GIT2: variants seen among roughly 807,000 people sequenced by gnomAD.
GIT2 encodes the protein ARF GTPase-activating protein GIT2.
In GIT2, 32 loss-of-function variants were observed where a neutral mutation model predicts 100.3. That is an observed-to-expected ratio of 0.32 (90% confidence interval 0.24 to 0.43). The LOEUF (loss-of-function observed/expected upper bound fraction) is 0.43. Among genes scored for constraint, GIT2 ranks in the 20% least tolerant of loss-of-function variants. The pLI is 1.00. For missense variants in GIT2, 737 were observed against 975.1 expected (o/e 0.76, Z 3.25); for synonymous variants, 353 against 364.1 (o/e 0.97, Z 0.35).
At chr12:109,952,112 G>A (rs1221555836) in intron 13 of GIT2, among the ~76,000 whole-genome samples, 1 of 152,118 alleles carries the variant, frequency 6.6e-6, no homozygotes, top group Non-Finnish European at 1.5e-5. Context: ...TGCTAATGAC[G>A]CCATCTTTCT....
At chr12:109,981,143 T>C in intron 6 of GIT2, 97 bp from the exon 7 acceptor site, 1 of 800,678 alleles carries the variant, frequency 1.2e-6, no homozygotes, top group Non-Finnish European at 2.2e-6. Context: ...GAGCAGTTTA[T>C]CACACAAGAC....
At chr12:109,949,811 T>C (rs1219786947) in intron 14 of GIT2, among the ~76,000 whole-genome samples, 1 of 152,202 alleles carries the variant, frequency 6.6e-6, no homozygotes, top group Non-Finnish European at 1.5e-5. Context: ...AGTGGCAAAA[T>C]CAGCATGTTT....
At chr12:109,952,523 C>T (rs1248363292) in intron 13 of GIT2, 2 of 518,978 alleles carry the variant, frequency 3.9e-6, no homozygotes, top group Admixed American at 1.9e-5. Flanking sequence ...CCTCCTGCTG[C>T]AGCTTCGAGT....
At chr12:109,951,461 C>G (rs1298134285) in intron 13 of GIT2, 145 bp from the exon 14 acceptor site, 1 of 647,186 alleles carries the variant, frequency 1.5e-6, no homozygotes, top group Non-Finnish European at 2.7e-6. Flanking sequence ...TAATGCAAAA[C>G]TAAAACATAA....
intron 1 of GIT2, among the ~76,000 whole-genome samples, chr12:109,994,985 T>G (rs998324365): frequency 6.6e-6 from 1 of 152,186 alleles, no homozygotes; most frequent in African/African-American, 2.4e-5. Flanking sequence ...CACATGAGGT[T>G]TGAGTTATCA....
chr12:109,957,649 G>A (rs1879862702), intron 12 of GIT2, among the ~76,000 whole-genome samples: 1 of 151,656 alleles, frequency 6.6e-6, no homozygotes, highest in Non-Finnish European at 1.5e-5. Flanking sequence ...TGGGACCACA[G>A]GCGTCTGCCA....
chr12:109,976,342 T>C (rs1885050630), intron 7 of GIT2, among the ~76,000 whole-genome samples: 1 of 148,336 alleles, frequency 6.7e-6, no homozygotes, highest in Non-Finnish European at 1.5e-5. Flanking sequence ...TGGAGTGCAG[T>C]GGTGCAATCT....
rs762973464 is a variant in GIT2, at chr12:109,989,005, G to A, written c.363C>T (p.Pro121=). The A allele has an allele frequency of 5.6e-6, 9 of 1,612,522 alleles. No homozygotes were observed. The highest frequency in any genetic ancestry group is 7.6e-6 in the Non-Finnish European group (9 of 1,178,700). ...CAGTCACACTATCGTCATCCCGGCA[G>A]GGCAAGCGATGGACGAACGCTAACA... ...YQMLAFVHRL[P]CRDDDSVTAK... Residue 121 remains proline (P), a synonymous_variant, in exon 4 of 20, where the codon CCC becomes CCT. Coordinates refer to ENST00000355312, the MANE Select transcript of GIT2 (RefSeq NM_057169.5).
Position 109,969,705 on chromosome 12 carries a change from C to T in GIT2, c.719-2202G>A, listed in dbSNP as rs146575181. On this transcript the variant is annotated intron_variant, in intron 7 of 19. Coordinates refer to ENST00000355312, the MANE Select transcript of GIT2 (RefSeq NM_057169.5). ...AGGATTACAGGCGTGAGCCACCATA[C>T]TCAGCTGATAGCTAAAAGCTTTCAT... Among the ~76,000 whole-genome samples, 587 of 152,052 alleles carry T rather than the reference C, an allele frequency of 3.9e-3. 2 individuals are homozygous for T. Among genetic ancestry groups the T allele is most frequent in the African/African-American group, 0.014 (563 of 41,478 alleles).
Position 109,996,256 on chromosome 12 carries a change from G to A in GIT2, c.-32C>T, listed in dbSNP as rs1460568672. Reference sequence around the variant, plus strand: ...CACCTCCCACCTGCGGGGAACTAGAGGCCGGGGGACAGCAAAGGCGGCGGT... The same window carrying A: ...CACCTCCCACCTGCGGGGAACTAGAAGCCGGGGGACAGCAAAGGCGGCGGT... On this transcript the variant is annotated 5_prime_UTR_variant, in exon 1 of 20. Coordinates refer to ENST00000355312, the MANE Select transcript of GIT2 (RefSeq NM_057169.5). 10 of 1,489,134 alleles carry A rather than the reference G, an allele frequency of 6.7e-6. No homozygotes were observed. The highest frequency in any genetic ancestry group is 9.1e-6 in the Non-Finnish European group (10 of 1,103,316). The allele number at this position is 1,489,134 out of a possible 1,614,324, so 92.2% of individuals were successfully genotyped here. A position where few individuals can be genotyped will look rare whatever the true frequency, so the allele number is the denominator to read the frequency against.
intron 6 of GIT2, chr12:109,982,889 A>AC (rs1886616113): frequency 6.6e-6 from 1 of 151,550 alleles, no homozygotes. Flanking sequence ...CAAGTAACCC[A>AC]CCCGCCTTGG....
Position 109,987,395 on chromosome 12 carries a change from AAAAT to A in GIT2, c.405+1564_405+1567del, listed in dbSNP as rs530307440. On this transcript the variant is annotated intron_variant, in intron 4 of 19. Coordinates refer to ENST00000355312, the MANE Select transcript of GIT2 (RefSeq NM_057169.5). Reference sequence around the variant, plus strand: ...CAAGACTCTATCTCAAAAATAAATAAAAATAAATAAATAAATAAATAAATAAATA... The same window carrying A: ...CAAGACTCTATCTCAAAAATAAATAAAAATAAATAAATAAATAAATAAATA... Among the ~76,000 whole-genome samples the A allele has an allele frequency of 2.7e-3, 414 of 151,866 alleles. 4 individuals carry two copies. The highest frequency in any genetic ancestry group is 8.8e-3 in the African/African-American group (366 of 41,440).
intron 14 of GIT2, among the ~76,000 whole-genome samples, chr12:109,949,411 A>T (rs964028960): frequency 6.6e-6 from 1 of 152,216 alleles, no homozygotes; most frequent in Non-Finnish European, 1.5e-5. Flanking sequence ...AACACTTTTC[A>T]TGCCTGGATT....
At chr12:109,950,859 G>C (rs1223382932) in intron 14 of GIT2, 1 of 255,118 alleles carries the variant, frequency 3.9e-6, no homozygotes, top group South Asian at 6.5e-5. Context: ...CCCTAGCAAT[G>C]GGAAGAATCA....
intron 9 of GIT2, 144 bp downstream of exon 9, chr12:109,965,382 A>AT: frequency 1.7e-6 from 1 of 605,804 alleles, no homozygotes. Context: ...TCACTGCTGT[A>AT]TACTCAACAG....
chr12:109,965,938 G>A (rs573205738), intron 8 of GIT2, among the ~76,000 whole-genome samples: 150 of 150,520 alleles, frequency 1.0e-3, no homozygotes, highest in Non-Finnish European at 4.3e-4. Flanking sequence ...GATGGCTCCC[G>A]CCTATAATCC....
rs1193297062 is a variant in GIT2 at position 109,983,507 on chromosome 12, A to G, written c.493-4T>C. On this transcript the variant is annotated splice_polypyrimidine_tract_variant and splice_region_variant and intron_variant, in intron 5 of 19. Transcript: ENST00000355312. ...GGAGTGGGGTGTTTCCTTTTTCCTA[A>G]GAATCATTAATAAAAAGTAGGCAAA... 3 of 1,613,228 alleles carry G rather than the reference A, an allele frequency of 1.9e-6. No homozygotes were observed. The highest frequency in any genetic ancestry group is 2.5e-6 in the Non-Finnish European group (3 of 1,179,470).
At position 109,931,983 on chromosome 12, in the gene GIT2, G is replaced by T. The variant is rs1485906970; in HGVS notation, c.*995C>A. The T allele has an allele frequency of 6.6e-6, 1 of 152,224 alleles. No individual in the cohort carries two copies. The highest frequency in any genetic ancestry group is 1.5e-5 in the Non-Finnish European group (1 of 68,046). 9.4% of individuals were successfully genotyped at this position (152,224 alleles called of 1,614,324 possible). A position where few individuals can be genotyped will look rare whatever the true frequency, so the allele number is the denominator to read the frequency against. ...TTCCTTATAAGAAGTCCTTAAAGAT[G>T]ATGAAAAATGTGAAGCAACTCATGT... On this transcript the variant is annotated 3_prime_UTR_variant, in exon 20 of 20. Transcript: ENST00000355312.
chr12:109,972,904 C>A (rs1884238508), intron 7 of GIT2, among the ~76,000 whole-genome samples: 1 of 152,134 alleles, frequency 6.6e-6, no homozygotes, highest in Non-Finnish European at 1.5e-5. Flanking sequence ...CTCACTGTAG[C>A]CTTGACCTCC....
Sources: gnomAD v4.1 joint callset for allele counts (sites outside exome capture counted in the v4.1 genomes callset) on GRCh38, gnomAD v4.1.1 for gene constraint, MANE v1.5 for transcripts, NCBI Gene and HGNC (gene_info 2026-07-23, HGNC 2026-07-21) for gene names.